GRIK4: variants seen among roughly 807,000 people sequenced by gnomAD.
GRIK4 encodes the protein glutamate ionotropic receptor kainate type subunit 4, also known as glutamate receptor ionotropic, kainate 4.
GRIK4 carries 40 observed loss-of-function variants against 104.9 expected under a neutral mutation model. The observed-to-expected ratio is 0.38, with a 90% confidence interval of 0.30 to 0.50. The LOEUF is 0.50. Ranked by LOEUF, GRIK4 falls within the 20% of genes least tolerant of loss-of-function variation. The pLI, the probability that GRIK4 is intolerant of heterozygous loss-of-function variation, is 0.93. For missense variants in GRIK4, 1,047 were observed against 1,308.1 expected (o/e 0.80, Z 3.08); for synonymous variants, 485 against 524.9 (o/e 0.92, Z 1.04).
intron 13 of GRIK4, among the ~76,000 whole-genome samples, chr11:120,928,236 A>G (rs1943397714): frequency 6.7e-6 from 1 of 150,166 alleles, no homozygotes; most frequent in Admixed American, 6.6e-5. Flanking sequence ...AAAAAGCTAG[A>G]AGGCGACACG....
At position 120,517,596 on chromosome 11, in the gene GRIK4, A is replaced by T. The variant is rs191514397; in HGVS notation, c.-159+5709A>T. ...CGGGGTGTTGGGAGAGAGGACGCAG[A>T]TGCCTGAGTGCTGAGTCACAGTGGG... is the stretch of plus-strand genomic sequence containing the variant. On this transcript the variant is annotated intron_variant, in intron 1 of 20. Coordinates refer to ENST00000527524, the MANE Select transcript of GRIK4 (RefSeq NM_014619.5). Among the ~76,000 whole-genome samples the T allele has an allele frequency of 1.6e-5, 2 of 129,018 alleles. 1 individual carries two copies. Among genetic ancestry groups the T allele is most frequent in the African/African-American group, 6.6e-5 (2 of 30,198 alleles). 84.6% of individuals were successfully genotyped at this position (129,018 alleles called of 152,430 possible). A position where few individuals can be genotyped will look rare whatever the true frequency, so the allele number is the denominator to read the frequency against.
chr11:120,636,578 A>G (rs1949399516), intron 1 of GRIK4, among the ~76,000 whole-genome samples: 2 of 152,196 alleles, frequency 1.3e-5, no homozygotes, highest in Admixed American at 6.5e-5. Context: ...ACGGTGGCTC[A>G]CACCTGTAAT....
intron 1 of GRIK4, among the ~76,000 whole-genome samples, chr11:120,546,037 C>T (rs1948082657): frequency 6.6e-6 from 1 of 152,134 alleles, no homozygotes; most frequent in Non-Finnish European, 1.5e-5. Context: ...GGTTTCTCCC[C>T]TTCGTGTCTC....
At chr11:120,532,955 A>G (rs932387607) in intron 1 of GRIK4, among the ~76,000 whole-genome samples, 1 of 152,222 alleles carries the variant, frequency 6.6e-6, no homozygotes, top group East Asian at 1.9e-4. Context: ...TTCAGCACTA[A>G]GGGGACACAT....
At chr11:120,804,566 C>T (rs1468430365) in intron 4 of GRIK4, among the ~76,000 whole-genome samples, 1 of 152,162 alleles carries the variant, frequency 6.6e-6, no homozygotes, top group Non-Finnish European at 1.5e-5. Flanking sequence ...ACTACCCAGA[C>T]CTGATTTACT....
intron 3 of GRIK4, among the ~76,000 whole-genome samples, chr11:120,761,642 G>T (rs1053618921): frequency 1.3e-5 from 2 of 152,210 alleles, no homozygotes; most frequent in East Asian, 3.9e-4. Flanking sequence ...GTAAGGAAGG[G>T]GTCCAGTTTC....
chr11:120,916,786 A>G (rs1943113157), intron 13 of GRIK4, among the ~76,000 whole-genome samples: 1 of 152,238 alleles, frequency 6.6e-6, no homozygotes, highest in East Asian at 1.9e-4. Flanking sequence ...TTTAGACTTG[A>G]GTCTCATTCC....
chr11:120,947,165 A>G (rs1297601072), intron 14 of GRIK4, among the ~76,000 whole-genome samples: 1 of 152,224 alleles, frequency 6.6e-6, no homozygotes, highest in Non-Finnish European at 1.5e-5. Context: ...GCATTTTGGG[A>G]GGCCGAGGCA....
At chr11:120,670,242 T>C (rs1949991566) in intron 3 of GRIK4, among the ~76,000 whole-genome samples, 1 of 151,206 alleles carries the variant, frequency 6.6e-6, no homozygotes, top group African/African-American at 2.4e-5. Context: ...ACCTTTCCTG[T>C]TAGTTTCCCT....
chr11:120,731,716 G>T (rs3133852), intron 3 of GRIK4, among the ~76,000 whole-genome samples: 112,268 of 152,008 alleles, frequency 0.74, 41,819 homozygotes, highest in Middle Eastern at 0.84. Flanking sequence ...TGGGAGACTT[G>T]ATTATGGTTT....
chr11:120,550,667 G>A (rs1948131203), intron 1 of GRIK4, among the ~76,000 whole-genome samples: 1 of 152,076 alleles, frequency 6.6e-6, no homozygotes, highest in Non-Finnish European at 1.5e-5. Flanking sequence ...TGGATGTGGC[G>A]CCACAGACAG....
chr11:120,580,973 C>T (rs1043849293), intron 1 of GRIK4, among the ~76,000 whole-genome samples: 2 of 152,118 alleles, frequency 1.3e-5, no homozygotes, highest in African/African-American at 4.8e-5. Context: ...TTTTATGAGG[C>T]GTATGGTTGT....
chr11:120,815,528 G>C (rs987642512), intron 5 of GRIK4, 53 bp downstream of exon 5: 1 of 1,103,046 alleles, frequency 9.1e-7, no homozygotes, highest in Non-Finnish European at 1.3e-6. Context: ...CTGTGCCCAG[G>C]GTCCAAAGAT....
At chr11:120,858,044 G>C (rs1247266757) in intron 8 of GRIK4, among the ~76,000 whole-genome samples, 1 of 152,186 alleles carries the variant, frequency 6.6e-6, no homozygotes, top group Non-Finnish European at 1.5e-5. Context: ...GTCGATTCCT[G>C]TTGGGAGCAG....
chr11:120,577,983 G>A (rs565620486), intron 1 of GRIK4, among the ~76,000 whole-genome samples: 16 of 152,320 alleles, frequency 1.1e-4, no homozygotes, highest in African/African-American at 3.8e-4. Flanking sequence ...GTCTGGCAGG[G>A]TCCTTTCCTT....
intron 3 of GRIK4, 85 bp downstream of exon 3, chr11:120,660,485 G>A (rs1366980748): frequency 3.2e-5 from 34 of 1,055,248 alleles, no homozygotes; most frequent in Non-Finnish European, 4.4e-5. Context: ...ACAGGACTTG[G>A]GGAAGCTGCC....
intron 12 of GRIK4, among the ~76,000 whole-genome samples, chr11:120,899,293 C>T (rs117669046): frequency 0.032 from 4,831 of 151,938 alleles, 107 homozygotes; most frequent in Middle Eastern, 0.092. Flanking sequence ...CGGTGGCACA[C>T]GCCTGAAATT....
At chr11:120,541,013 C>G (rs1056642007) in intron 1 of GRIK4, among the ~76,000 whole-genome samples, 4 of 152,236 alleles carry the variant, frequency 2.6e-5, no homozygotes, top group Admixed American at 6.5e-5. Flanking sequence ...ACACGTGGCC[C>G]TCTCCAACCT....
At chr11:120,866,809 A>C (rs1474611756) in intron 9 of GRIK4, among the ~76,000 whole-genome samples, 3 of 152,150 alleles carry the variant, frequency 2.0e-5, no homozygotes, top group Non-Finnish European at 2.9e-5. Context: ...TCTTGCCAAT[A>C]AAATGGACGA....
Sources: gnomAD v4.1 joint callset for allele counts (sites outside exome capture counted in the v4.1 genomes callset) on GRCh38, gnomAD v4.1.1 for gene constraint, MANE v1.5 for transcripts, NCBI Gene and HGNC (gene_info 2026-07-23, HGNC 2026-07-21) for gene names.